The following STARD13 variants were observed in gnomAD, a reference collection of about 807,000 sequenced individuals.
STARD13 encodes the protein StAR related lipid transfer domain containing 13, also known as stAR-related lipid transfer protein 13.
Under a neutral mutation model 106.4 loss-of-function variants are expected in STARD13, and 62 were observed. That is an observed-to-expected ratio of 0.58 (90% confidence interval 0.48 to 0.72). The LOEUF (loss-of-function observed/expected upper bound fraction) is 0.72, where lower values mean the gene tolerates loss of function less well. STARD13 is among the 30% of genes least tolerant of loss of function. The pLI, the probability that STARD13 is intolerant of heterozygous loss-of-function variation, is 0.00. For missense variants in STARD13, 1,387 were observed against 1,424.0 expected (o/e 0.97, Z 0.42); for synonymous variants, 565 against 553.0 (o/e 1.02, Z -0.31).
chr13:33,450,563 C>T, the STARD13 span, among the ~76,000 whole-genome samples: 1 of 152,034 alleles, frequency 6.6e-6, no homozygotes. Flanking sequence ...AGTTATGGAG[C>T]CTGAATGAGA....
At chr13:33,227,335 A>T (rs186938684) in intron 1 of STARD13, among the ~76,000 whole-genome samples, 24 of 152,376 alleles carry the variant, frequency 1.6e-4, no homozygotes, top group African/African-American at 4.6e-4. Flanking sequence ...TAGTTCAACC[A>T]TATGTGGATT....
At chr13:33,637,058 T>C in the STARD13 span, among the ~76,000 whole-genome samples, 1 of 152,240 alleles carries the variant, frequency 6.6e-6, no homozygotes, top group Non-Finnish European at 1.5e-5. Context: ...GTACCCTTAC[T>C]CATCCTTATT....
At chr13:33,419,592 A>C in the STARD13 span, among the ~76,000 whole-genome samples, 1 of 152,240 alleles carries the variant, frequency 6.6e-6, no homozygotes, top group Non-Finnish European at 1.5e-5. Flanking sequence ...ATTCAAATTC[A>C]GGAAATACAG....
Position 33,111,214 on chromosome 13 carries a change from A to T in STARD13, c.2608-307T>A, listed in dbSNP as rs138050425. ...ATTCAGTTTGGCAAAATATGGGCTCAGACAACTTTACCCACTATGAATAAG... is the reference window on the plus strand; with the variant it reads ...ATTCAGTTTGGCAAAATATGGGCTCTGACAACTTTACCCACTATGAATAAG... On this transcript the variant is annotated intron_variant, in intron 10 of 13. Transcript: ENST00000336934. Among the ~76,000 whole-genome samples, 507 of 152,326 alleles carry T rather than the reference A, an allele frequency of 3.3e-3. 4 individuals carry two copies. The highest frequency in any genetic ancestry group is 0.011 in the African/African-American group (469 of 41,564).
chr13:33,546,746 T>G, the STARD13 span, among the ~76,000 whole-genome samples: 1 of 151,992 alleles, frequency 6.6e-6, no homozygotes, highest in East Asian at 1.9e-4. Context: ...CGGGCTCAAG[T>G]GATTCTCCTG....
At chr13:33,571,332 C>T in the STARD13 span, among the ~76,000 whole-genome samples, 1 of 152,094 alleles carries the variant, frequency 6.6e-6, no homozygotes, top group African/African-American at 2.4e-5. Flanking sequence ...GTCTTTCAAT[C>T]CATAAAATTA....
At chr13:33,472,008 T>C in the STARD13 span, among the ~76,000 whole-genome samples, 1 of 152,106 alleles carries the variant, frequency 6.6e-6, no homozygotes, top group Non-Finnish European at 1.5e-5. Context: ...TGAGTGAAAT[T>C]ATGTAGTATA....
chr13:33,434,352 C>CAAA, the STARD13 span, among the ~76,000 whole-genome samples: 2,142 of 70,216 alleles, frequency 0.031, 185 homozygotes, highest in African/African-American at 0.08. Context: ...GACTCTGTCT[C>CAAA]AAAAAAAAAA....
At chr13:33,134,080 T>C (rs778293759) in intron 4 of STARD13, among the ~76,000 whole-genome samples, 3 of 152,204 alleles carry the variant, frequency 2.0e-5, no homozygotes, top group Non-Finnish European at 2.9e-5. Flanking sequence ...TCAGAAACCA[T>C]GGACGTACCA....
At chr13:33,488,266 C>A in the STARD13 span, among the ~76,000 whole-genome samples, 14 of 152,278 alleles carry the variant, frequency 9.2e-5, no homozygotes, top group Admixed American at 2.6e-4. Flanking sequence ...ATCCAGAGGG[C>A]CACCTTAGAG....
chr13:33,499,435 C>T, the STARD13 span, among the ~76,000 whole-genome samples: 11 of 152,158 alleles, frequency 7.2e-5, no homozygotes, highest in Non-Finnish European at 1.6e-4. Flanking sequence ...CAGATGGCCA[C>T]TTTGTTGCTA....
chr13:33,326,049 G>A (rs921848199), intron 1 of STARD13, among the ~76,000 whole-genome samples: 3 of 149,276 alleles, frequency 2.0e-5, no homozygotes, highest in Admixed American at 6.7e-5. Flanking sequence ...TTCATCAACC[G>A]GTGAAACGTG....
chr13:33,216,686 C>T (rs1410083548), intron 1 of STARD13, among the ~76,000 whole-genome samples: 1 of 152,148 alleles, frequency 6.6e-6, no homozygotes, highest in African/African-American at 2.4e-5. Flanking sequence ...TGTAACCAAA[C>T]ACCGCCTATT....
the STARD13 span, among the ~76,000 whole-genome samples, chr13:33,465,330 C>T: frequency 2.0e-5 from 3 of 151,560 alleles, no homozygotes; most frequent in Admixed American, 6.6e-5. Flanking sequence ...CTCAGCCTCC[C>T]GAGTAGCTGG....
the STARD13 span, among the ~76,000 whole-genome samples, chr13:33,466,376 C>T: frequency 6.6e-6 from 1 of 152,050 alleles, no homozygotes; most frequent in African/African-American, 2.4e-5. Flanking sequence ...TAATAAAATA[C>T]CCTGCATCCC....
At chr13:33,302,759 T>C (rs887304066) in intron 1 of STARD13, among the ~76,000 whole-genome samples, 7 of 152,184 alleles carry the variant, frequency 4.6e-5, no homozygotes, top group Admixed American at 3.3e-4. Context: ...TGTTTTTTCT[T>C]CAATTTACAG....
the STARD13 span, among the ~76,000 whole-genome samples, chr13:33,487,420 T>G: frequency 1.3e-5 from 2 of 152,202 alleles, no homozygotes; most frequent in African/African-American, 2.4e-5. Flanking sequence ...CAAAATTACT[T>G]TGGCTACATC....
At chr13:33,177,374 A>G (rs1050724578) in intron 1 of STARD13, among the ~76,000 whole-genome samples, 3 of 152,252 alleles carry the variant, frequency 2.0e-5, no homozygotes, top group African/African-American at 4.8e-5. Flanking sequence ...GTACGAATAG[A>G]AGGAAAAAAC....
chr13:33,641,701 C>T, the STARD13 span, among the ~76,000 whole-genome samples: 2 of 152,164 alleles, frequency 1.3e-5, no homozygotes, highest in Non-Finnish European at 2.9e-5. Flanking sequence ...TGCTGTATGG[C>T]TGTTTTCTCT....
Sources: allele counts gnomAD v4.1 joint callset (sites outside exome capture counted in the v4.1 genomes callset), GRCh38; gene constraint gnomAD v4.1.1; transcripts MANE v1.5; gene names NCBI Gene and HGNC (gene_info 2026-07-23, HGNC 2026-07-21).